CLOCK: variants seen among roughly 807,000 people sequenced by gnomAD.
The protein encoded by CLOCK is circadian locomoter output cycles protein kaput.
A neutral mutation model predicts 118.4 loss-of-function variants in CLOCK; 43 were observed. The ratio of observed to expected loss-of-function variants is 0.36; its 90% confidence interval spans 0.28 to 0.47. The LOEUF is 0.47. Ranked by LOEUF, CLOCK falls within the 20% of genes least tolerant of loss-of-function variation. The pLI is 1.00. For missense variants in CLOCK, 846 were observed against 999.9 expected, an observed-to-expected ratio of 0.85 and a Z score of 2.08; for synonymous variants, 326 against 339.2, an observed-to-expected ratio of 0.96 and a Z score of 0.43.
At chr4:55,537,245 G>T (rs1445304710) in intron 1 of CLOCK, among the ~76,000 whole-genome samples, 1 of 152,158 alleles carries the variant, frequency 6.6e-6, no homozygotes, top group East Asian at 1.9e-4. Context: ...ACTCCAGGAG[G>T]CCAAGGAAAG....
intron 1 of CLOCK, among the ~76,000 whole-genome samples, chr4:55,527,195 TATTA>T (rs1730259972): frequency 6.6e-6 from 1 of 152,080 alleles, no homozygotes; most frequent in Non-Finnish European, 1.5e-5. Flanking sequence ...TACTTTAAAA[TATTA>T]ACAGATAAAT....
intron 2 of CLOCK, among the ~76,000 whole-genome samples, chr4:55,505,831 TCAA>T (rs752198899): frequency 4.4e-5 from 5 of 112,418 alleles, no homozygotes; most frequent in East Asian, 3.9e-4. Context: ...TGACCAACTG[TCAA>T]CAACAATCCT....
intron 2 of CLOCK, among the ~76,000 whole-genome samples, chr4:55,508,765 T>C (rs1728965377): frequency 6.6e-6 from 1 of 152,108 alleles, no homozygotes; most frequent in Non-Finnish European, 1.5e-5. Flanking sequence ...GCTAATTGTT[T>C]GTATTTTTAG....
chr4:55,440,244 AT>A (rs1723247337), intron 21 of CLOCK, among the ~76,000 whole-genome samples: 1 of 152,224 alleles, frequency 6.6e-6, no homozygotes, highest in African/African-American at 2.4e-5. Context: ...CTAACAGTGA[AT>A]AAAAACTCCT....
In CLOCK at chr4:55,434,213, T is replaced by C. The variant is rs1418635365; in HGVS notation, c.*1202A>G. 17 of 152,610 alleles carry C rather than the reference T, an allele frequency of 1.1e-4. No individual in the cohort carries two copies. Among genetic ancestry groups the C allele is most frequent in the Admixed American group, 1.1e-3 (17 of 15,268 alleles). The allele number at this position is 152,610 out of a possible 1,614,324, so 9.5% of individuals were successfully genotyped here. ...CACCTGAATTAAAATCAAGGCACTA[T>C]GGGGTTTTTTCCCCTCAAATAACCC... On this transcript the variant is annotated 3_prime_UTR_variant, in exon 23 of 23. Transcript: ENST00000513440.
chr4:55,468,801 G>A (rs1725915325), intron 8 of CLOCK, among the ~76,000 whole-genome samples: 1 of 152,182 alleles, frequency 6.6e-6, no homozygotes, highest in African/African-American at 2.4e-5. Flanking sequence ...CAGATAAAGT[G>A]GTAAGACCTT....
chr4:55,517,578 G>C (rs1198002711), intron 1 of CLOCK, among the ~76,000 whole-genome samples: 1 of 152,138 alleles, frequency 6.6e-6, no homozygotes, highest in Non-Finnish European at 1.5e-5. Flanking sequence ...GGATTTTTGT[G>C]TCTCTATAAA....
At chr4:55,479,780 T>C (rs1027039788) in intron 4 of CLOCK, 81 bp from the exon 5 acceptor site, 7 of 1,064,576 alleles carry the variant, frequency 6.6e-6, no homozygotes, top group Non-Finnish European at 1.0e-5. Flanking sequence ...ATCAACTCAG[T>C]TATGCCCTAT....
intron 1 of CLOCK, chr4:55,546,429 C>G (rs1380942915): frequency 6.6e-6 from 1 of 151,860 alleles, no homozygotes; most frequent in Non-Finnish European, 1.5e-5. Flanking sequence ...GGCCGCCGCC[C>G]CCCGGCCCCA....
At chr4:55,529,006 A>G (rs1412942114) in intron 1 of CLOCK, among the ~76,000 whole-genome samples, 2 of 152,240 alleles carry the variant, frequency 1.3e-5, no homozygotes, top group African/African-American at 4.8e-5. Context: ...TGGCAATTAG[A>G]AAACAAGTCC....
At chr4:55,507,389 G>C (rs961078456) in intron 2 of CLOCK, among the ~76,000 whole-genome samples, 11 of 151,960 alleles carry the variant, frequency 7.2e-5, no homozygotes, top group African/African-American at 2.7e-4. Context: ...GAGGTTGGGG[G>C]AACACCTGAG....
rs201588654 is a variant in CLOCK, at chr4:55,504,296, A to C, written c.-136+5616T>G. ...GCGAGACTCCATCAAAAAAAAAAAA[A>C]AAAAAAAAAAACACAACTTGAGGCT... is the stretch of plus-strand genomic sequence containing the variant. On this transcript the variant is annotated intron_variant, in intron 2 of 22. Coordinates refer to ENST00000513440, the MANE Select transcript of CLOCK (RefSeq NM_004898.4). Among the ~76,000 whole-genome samples the C allele has an allele frequency of 1.3e-4, 20 of 150,658 alleles. No individual in the cohort carries two copies. In the East Asian group the frequency reaches 3.5e-3, roughly 26 times the overall value.
intron 7 of CLOCK, among the ~76,000 whole-genome samples, chr4:55,473,131 G>A (rs1003309945): frequency 2.0e-5 from 3 of 151,920 alleles, no homozygotes; most frequent in Non-Finnish European, 4.4e-5. Context: ...AGGCTAAAGC[G>A]GAAGAATCAC....
Position 55,428,741 on chromosome 4 carries a change from A to G in CLOCK, c.*6674T>C, listed in dbSNP as rs1479251604. On this transcript the variant is annotated 3_prime_UTR_variant, in exon 23 of 23. Transcript: ENST00000513440. ...TATAAAGAATTTGGTGCATGTTTTAACAACTACCAACTGATGTTAACAATG... is the reference window on the plus strand; with the variant it reads ...TATAAAGAATTTGGTGCATGTTTTAGCAACTACCAACTGATGTTAACAATG... The G allele has an allele frequency of 6.6e-6, 1 of 152,048 alleles. No homozygotes were observed. The highest frequency in any genetic ancestry group is 1.5e-5 in the Non-Finnish European group (1 of 68,014). 9.4% of individuals were successfully genotyped at this position (152,048 alleles called of 1,614,324 possible).
intron 1 of CLOCK, among the ~76,000 whole-genome samples, chr4:55,521,150 T>C (rs1001645368): frequency 6.6e-6 from 1 of 152,206 alleles, no homozygotes; most frequent in African/African-American, 2.4e-5. Context: ...TAGAAAAAAA[T>C]TCAATTTTAA....
At chr4:55,525,261 T>C (rs1163438456) in intron 1 of CLOCK, among the ~76,000 whole-genome samples, 4 of 152,154 alleles carry the variant, frequency 2.6e-5, no homozygotes, top group African/African-American at 4.8e-5. Context: ...TCACTTGAGG[T>C]TGGGAGTTCG....
In CLOCK at chr4:55,449,464, T is replaced by C; in HGVS notation, c.1381A>G (p.Thr461Ala). 6.2e-7 allele frequency: 1 copy of C among 1,614,038 alleles called. No individual in the cohort carries two copies. Among genetic ancestry groups the C allele is most frequent in the Non-Finnish European group, 8.5e-7 (1 of 1,179,942 alleles). The change falls in exon 17 of 23, where the codon ACT (threonine) becomes GCT (alanine). Residue 461 changes from threonine (T) to alanine (A), a missense_variant. By Grantham distance (58) the Thr-to-Ala change is moderately conservative. This residue lies in a region of CLOCK where 520 missense variants were observed against 558.0 expected (regional missense o/e 0.93). Coordinates refer to ENST00000513440, the MANE Select transcript of CLOCK (RefSeq NM_004898.4). ...TPTKIPTDTSTPPRQHLPAHE... is the reference protein window; with the variant it reads ...TPTKIPTDTSAPPRQHLPAHE... ...GCTGGTAAATGCTGCCTGGGTGGAG[T>C]GCTCGTATCCGTCGGGATCTTGGTT...
intron 1 of CLOCK, among the ~76,000 whole-genome samples, chr4:55,531,729 A>AAAAAAAAG (rs1730565653): frequency 7.5e-6 from 1 of 132,688 alleles, no homozygotes; most frequent in Non-Finnish European, 1.6e-5. Flanking sequence ...AAAAAAAAAA[A>AAAAAAAAG]AAGGAATTAA....
In CLOCK at chr4:55,503,903, A is replaced by G. The variant is rs1728592329; in HGVS notation, c.-136+6009T>C. On this transcript the variant is annotated intron_variant, in intron 2 of 22. Transcript: ENST00000513440. ...CACTGCAGGTACTTCTTCTTAGTGT[A>G]ATTATAAACAATCAATTTTTCTTTA... Among the ~76,000 whole-genome samples, 3 of 149,930 alleles carry G rather than the reference A, an allele frequency of 2.0e-5. No individual in the cohort carries two copies. The South Asian group carries it at 6.4e-4, about 32-fold the overall frequency.
Sources: gnomAD v4.1 joint callset for allele counts (sites outside exome capture counted in the v4.1 genomes callset) on GRCh38, gnomAD v4.1.1 for gene constraint, gnomAD v4.1.1 regional missense constraint, MANE v1.5 for transcripts, NCBI Gene and HGNC (gene_info 2026-07-23, HGNC 2026-07-21) for gene names.